The following GLCCI1 variants were observed in gnomAD, a reference collection of about 807,000 sequenced individuals.
GLCCI1 encodes the protein glucocorticoid-induced transcript 1 protein.
In GLCCI1, 24 loss-of-function variants were observed where a neutral mutation model predicts 52.2. The observed-to-expected ratio is 0.46, with a 90% CI of 0.33 to 0.65. The LOEUF (loss-of-function observed/expected upper bound fraction) is 0.65. Ranked by LOEUF, GLCCI1 falls within the 30% of genes least tolerant of loss-of-function variation. The pLI, the probability that GLCCI1 is intolerant of heterozygous loss-of-function variation, is 0.02. For missense variants in GLCCI1, 704 were observed against 701.5 expected (o/e 1.00, Z -0.04); for synonymous variants, 310 against 276.5 (o/e 1.12, Z -1.20).
At chr7:7,993,716 G>A (rs1163757257) in intron 1 of GLCCI1, among the ~76,000 whole-genome samples, 1 of 151,550 alleles carries the variant, frequency 6.6e-6, no homozygotes, top group African/African-American at 2.4e-5. Flanking sequence ...TTGGTGTTTT[G>A]TGGAGATATT....
At chr7:7,984,728 TCTA>T (rs1269609706) in intron 1 of GLCCI1, among the ~76,000 whole-genome samples, 1 of 152,212 alleles carries the variant, frequency 6.6e-6, no homozygotes, top group East Asian at 1.9e-4. Flanking sequence ...AATAAAATGT[TCTA>T]CTGAGATTTA....
At chr7:8,064,549 GTTC>G (rs1782588779) in intron 5 of GLCCI1, among the ~76,000 whole-genome samples, 1 of 152,056 alleles carries the variant, frequency 6.6e-6, no homozygotes, top group African/African-American at 2.4e-5. Context: ...CTCTAGCTGT[GTTC>G]TTCTTGCCTA....
chr7:8,060,389 TTTAACAGATTCAGAG>T, intron 5 of GLCCI1, 141 bp downstream of exon 5: 1 of 628,282 alleles, frequency 1.6e-6, no homozygotes, highest in Non-Finnish European at 2.7e-6. Flanking sequence ...TTCAGTGGTT[TTTAACAGATTCAGAG>T]TTATACAACT....
intron 1 of GLCCI1, among the ~76,000 whole-genome samples, chr7:7,990,178 A>G (rs1216618164): frequency 6.6e-6 from 1 of 152,084 alleles, no homozygotes; most frequent in South Asian, 2.1e-4. Context: ...TATTCTAGGT[A>G]TTGTTAATGA....
chr7:8,076,499 G>T (rs372564261), intron 6 of GLCCI1, among the ~76,000 whole-genome samples: 12 of 152,216 alleles, frequency 7.9e-5, no homozygotes, highest in African/African-American at 2.9e-4. Context: ...ATACATTCCA[G>T]TGTCTAACAG....
rs1780307471 is a variant in GLCCI1, at chr7:7,969,956, G to C, written c.457+149G>C. On this transcript the variant is annotated intron_variant, in intron 1 of 7. Transcript: ENST00000223145. This position sits in a 1 kb window ranked among gnomAD's most constrained non-coding sequence, Gnocchi z 4.9. ...GGAATCTCACCCCCCTGCGGTCGCT[G>C]TGGGGCTTGGAGGAGCGAACTGAAA... 12 of 1,077,976 alleles carry C rather than the reference G, an allele frequency of 1.1e-5. No homozygotes were observed. The highest frequency in any genetic ancestry group is 1.3e-5 in the Non-Finnish European group (11 of 874,594). 66.8% of individuals were successfully genotyped at this position (1,077,976 alleles called of 1,614,324 possible).
In GLCCI1 at chr7:8,032,443, A is replaced by G. The variant is rs566175709; in HGVS notation, c.696+9874A>G. On this transcript the variant is annotated intron_variant, in intron 3 of 7. Transcript: ENST00000223145. The stretch of plus-strand genomic sequence containing the variant: ...AACCAATGAAACAGAAAAGTACTAG[A>G]GAAAAATCAGTGTAACTAAAAGTTT... Among the ~76,000 whole-genome samples the G allele has an allele frequency of 3.3e-5, 5 of 152,146 alleles. No individual in the cohort carries two copies. In the East Asian group the frequency reaches 9.6e-4, roughly 29 times the overall value.
chr7:7,969,995 TG>T lies in GLCCI1; in HGVS notation c.457+189del. ...AGCGAACTGAAAAGCGACTTTTATT[TG>T]ACCCTCATGCCGCCCCTCAGAGTCT... is the stretch of plus-strand genomic sequence containing the variant. On this transcript the variant is annotated intron_variant, in intron 1 of 7. Coordinates refer to ENST00000223145, the MANE Select transcript of GLCCI1 (RefSeq NM_138426.4). The surrounding 1 kb of genome is among the most constrained non-coding windows in gnomAD (Gnocchi z 4.9). The T allele has an allele frequency of 1.5e-6, 1 of 661,268 alleles. No homozygotes were observed. Among genetic ancestry groups the T allele is most frequent in the East Asian group, 6.6e-5 (1 of 15,154 alleles). 41.0% of individuals were successfully genotyped at this position (661,268 alleles called of 1,614,324 possible).
intron 3 of GLCCI1, among the ~76,000 whole-genome samples, chr7:8,043,802 A>G (rs1181582787): frequency 1.3e-5 from 2 of 152,258 alleles, no homozygotes; most frequent in African/African-American, 4.8e-5. Context: ...TCATGAAGAT[A>G]CTAAATTCTG....
intron 2 of GLCCI1, among the ~76,000 whole-genome samples, chr7:8,005,604 G>A (rs1781133345): frequency 6.6e-6 from 1 of 152,118 alleles, no homozygotes. Flanking sequence ...ACCAATATAA[G>A]CTCCATTTTT....
At position 8,053,295 on chromosome 7, in the gene GLCCI1, TTTTG is replaced by T. The variant is rs796806432; in HGVS notation, c.697-2134_697-2131del. On this transcript the variant is annotated intron_variant, in intron 3 of 7. Coordinates refer to ENST00000223145, the MANE Select transcript of GLCCI1 (RefSeq NM_138426.4). ...TATTTCCTACCTTTTCATGGTTTTG[TTTTG>T]TTTTTTTTTGTTTTCGTTTTTTTTT... 7.0e-3 allele frequency among the ~76,000 whole-genome samples: 910 copies of T among 130,390 alleles called. 14 individuals carry two copies. Among genetic ancestry groups the T allele is most frequent in the African/African-American group, 0.025 (856 of 34,432 alleles). 85.5% of individuals were successfully genotyped at this position (130,390 alleles called of 152,430 possible). A position where few individuals can be genotyped will look rare whatever the true frequency, so the allele number is the denominator to read the frequency against.
At chr7:8,083,749 C>A (rs1408583659) in intron 6 of GLCCI1, among the ~76,000 whole-genome samples, 3 of 152,066 alleles carry the variant, frequency 2.0e-5, no homozygotes, top group African/African-American at 4.8e-5. Flanking sequence ...AAAGTTATAG[C>A]CATGTTCAAA....
intron 6 of GLCCI1, among the ~76,000 whole-genome samples, chr7:8,072,392 C>T (rs1199658116): frequency 1.3e-5 from 2 of 152,040 alleles, no homozygotes; most frequent in Non-Finnish European, 2.9e-5. Flanking sequence ...TACTGAAGGC[C>T]TTGTGGACCC....
chr7:7,969,707 G>A lies in GLCCI1; in HGVS notation c.357G>A (p.Glu119=), dbSNP rs1158255688. 3.8e-6 allele frequency: 5 copies of A among 1,309,424 alleles called. No homozygotes were observed. In the Admixed American group the frequency reaches 1.1e-4, roughly 28 times the overall value. 81.1% of individuals were successfully genotyped at this position (1,309,424 alleles called of 1,614,324 possible). A position where few individuals can be genotyped will look rare whatever the true frequency, so the allele number is the denominator to read the frequency against. Residue 119 remains glutamate (E), a synonymous_variant, in exon 1 of 8, where the codon GAG becomes GAA. Transcript: ENST00000223145. This position sits in a 1 kb window ranked among gnomAD's most constrained non-coding sequence, Gnocchi z 4.9. The part of the protein sequence containing the change: ...PTPPAAAAPA[E]QAPRAKGRPR... ...CGCCGGCGGCCGCAGCCCCGGCCGA[G>A]CAGGCGCCGCGGGCCAAGGGCCGCC... is the stretch of plus-strand genomic sequence containing the variant.
intron 3 of GLCCI1, among the ~76,000 whole-genome samples, chr7:8,048,721 T>A (rs1782191412): frequency 6.6e-6 from 1 of 152,168 alleles, no homozygotes; most frequent in South Asian, 2.1e-4. Context: ...ATAAGACTCC[T>A]GATTTAGAGA....
chr7:8,078,951 TA>T (rs1562453041), intron 6 of GLCCI1, among the ~76,000 whole-genome samples: 1 of 152,224 alleles, frequency 6.6e-6, no homozygotes, highest in Non-Finnish European at 1.5e-5. Context: ...AGAATTTTTT[TA>T]AAAAGAGGAA....
intron 3 of GLCCI1, among the ~76,000 whole-genome samples, chr7:8,035,531 C>A (rs1781848550): frequency 6.6e-6 from 1 of 152,058 alleles, no homozygotes; most frequent in Admixed American, 6.5e-5. Context: ...CAAGCTGGGC[C>A]CAGGCTTGTG....
rs891947790 is a variant in GLCCI1 at position 7,969,458 on chromosome 7, C to A, written c.108C>A (p.Ala36=). Residue 36 remains alanine, a synonymous_variant, in exon 1 of 8, where the codon GCC becomes GCA. Transcript: ENST00000223145. The surrounding 1 kb of genome is among the most constrained non-coding windows in gnomAD (Gnocchi z 4.9). ...CGGGGTCCCCGCCCGCCGTCGCCGC[C>A]GCCGGGAGCGGGAACGGTGCGGGCG... ...SAAGSPPAVA[A]AGSGNGAGGG... is the part of the protein sequence containing the mutation. The A allele has an allele frequency of 8.7e-7, 1 of 1,151,512 alleles. No individual in the cohort carries two copies. The highest frequency in any genetic ancestry group is 1.1e-6 in the Non-Finnish European group (1 of 936,622). 71.3% of individuals were successfully genotyped at this position (1,151,512 alleles called of 1,614,324 possible).
At chr7:8,061,534 C>G (rs1414336049) in intron 5 of GLCCI1, among the ~76,000 whole-genome samples, 1 of 152,010 alleles carries the variant, frequency 6.6e-6, no homozygotes, top group Non-Finnish European at 1.5e-5. Flanking sequence ...CCAGAATTAC[C>G]CTCCCAAAAG....
Sources: allele counts gnomAD v4.1 joint callset (sites outside exome capture counted in the v4.1 genomes callset), GRCh38; gene constraint gnomAD v4.1.1; non-coding constraint Gnocchi (gnomAD v3.1); transcripts MANE v1.5; gene names NCBI Gene and HGNC (gene_info 2026-07-23, HGNC 2026-07-21).